PAPPA: variants seen among roughly 807,000 people sequenced by gnomAD.
PAPPA encodes the protein pappalysin 1, also known as pappalysin-1.
Under a neutral mutation model 164.0 loss-of-function variants are expected in PAPPA, and 60 were observed. The observed-to-expected ratio is 0.37, with a 90% CI of 0.30 to 0.45. PAPPA has a LOEUF of 0.45. Ranked by LOEUF, PAPPA falls within the 20% of genes least tolerant of loss-of-function variation. The pLI is 1.00. For synonymous variants in PAPPA, 875 were observed against 814.1 expected (o/e 1.07, Z -1.27); for missense variants, 1,782 against 2,087.3 (o/e 0.85, Z 2.85).
At chr9:116,161,764 A>T (rs1446308064) in intron 1 of PAPPA, among the ~76,000 whole-genome samples, 1 of 151,978 alleles carries the variant, frequency 6.6e-6, no homozygotes, top group East Asian at 1.9e-4. Flanking sequence ...TAGCAAACTG[A>T]TAACAATTGT....
intron 7 of PAPPA, among the ~76,000 whole-genome samples, chr9:116,251,235 T>C (rs1844856500): frequency 6.6e-6 from 1 of 152,020 alleles, no homozygotes; most frequent in African/African-American, 2.4e-5. Flanking sequence ...ATCAGAAACA[T>C]AAGGATTACA....
chr9:116,250,043 GTGT>G (rs1844842166), intron 7 of PAPPA, among the ~76,000 whole-genome samples: 1 of 149,858 alleles, frequency 6.7e-6, no homozygotes, highest in Admixed American at 6.6e-5. Context: ...GTGTGTGTGT[GTGT>G]GTGTGTTTGG....
intron 6 of PAPPA, among the ~76,000 whole-genome samples, chr9:116,231,075 G>GTATATATATA (rs3838263): frequency 4.8e-4 from 72 of 150,794 alleles, no homozygotes; most frequent in Admixed American, 8.6e-4. Context: ...CAGCTGCAGT[G>GTATATATATA]TATATATATA....
chr9:116,197,451 A>G (rs369081618), intron 2 of PAPPA, among the ~76,000 whole-genome samples: 1 of 152,224 alleles, frequency 6.6e-6, no homozygotes, highest in East Asian at 1.9e-4. Context: ...CTCAAGTCCC[A>G]GCAGTGGCCT....
intron 13 of PAPPA, among the ~76,000 whole-genome samples, chr9:116,344,297 A>G (rs1588012892): frequency 6.6e-6 from 1 of 152,328 alleles, no homozygotes; most frequent in East Asian, 1.9e-4. Flanking sequence ...AAATCTTGAT[A>G]ACATACAAAG....
At position 116,154,155 on chromosome 9, in the gene PAPPA, C is replaced by CGGGGGGGGG; in HGVS notation, c.-12_-11insGGGGGGGGG. The CGGGGGGGGG allele has an allele frequency of 4.1e-5, 19 of 464,682 alleles. No homozygotes were observed. Among genetic ancestry groups the CGGGGGGGGG allele is most frequent in the South Asian group, 5.9e-5 (2 of 33,996 alleles). 28.8% of individuals were successfully genotyped at this position (464,682 alleles called of 1,614,324 possible). A position where few individuals can be genotyped will look rare whatever the true frequency, so the allele number is the denominator to read the frequency against. On this transcript the variant is annotated 5_prime_UTR_variant, in exon 1 of 22. Coordinates refer to ENST00000328252, the MANE Select transcript of PAPPA (RefSeq NM_002581.5). This position sits in a 1 kb window ranked among gnomAD's most constrained non-coding sequence, Gnocchi z 5.2. The stretch of plus-strand genomic sequence containing the variant: ...TGGCGGTGCAGGGGCGAAGGGGGGG[C>CGGGGGGGGG]GGGGGGAACCGTCGGACATGCGGCT...
intron 7 of PAPPA, among the ~76,000 whole-genome samples, chr9:116,249,152 A>C (rs1293257865): frequency 6.6e-6 from 1 of 152,226 alleles, no homozygotes. Context: ...AGTCTACTTA[A>C]TGTGAAAGTA....
At chr9:116,276,675 C>A (rs563434964) in intron 9 of PAPPA, among the ~76,000 whole-genome samples, 1 of 152,302 alleles carries the variant, frequency 6.6e-6, no homozygotes, top group South Asian at 2.1e-4. Flanking sequence ...CTTTCCCAGA[C>A]GTGGAGGCAT....
At chr9:116,233,091 G>A (rs984216052) in intron 6 of PAPPA, among the ~76,000 whole-genome samples, 9 of 152,202 alleles carry the variant, frequency 5.9e-5, no homozygotes, top group African/African-American at 2.2e-4. Context: ...GTTCTATGCT[G>A]TAACTTTTAA....
At chr9:116,299,330 G>A (rs144490070) in intron 9 of PAPPA, among the ~76,000 whole-genome samples, 4 of 150,828 alleles carry the variant, frequency 2.7e-5, no homozygotes, top group East Asian at 2.0e-4. Flanking sequence ...ATTACTTATC[G>A]ACCTGCCTGT....
intron 9 of PAPPA, among the ~76,000 whole-genome samples, chr9:116,289,336 G>GCATATATATGCCATATATATGC (rs1845401087): frequency 2.4e-5 from 3 of 125,920 alleles, no homozygotes; most frequent in Non-Finnish European, 5.0e-5. Flanking sequence ...CATATATATA[G>GCATATATATGCCATATATATGC]CATATATATG....
intron 21 of PAPPA, among the ~76,000 whole-genome samples, chr9:116,383,504 A>C (rs1846760784): frequency 6.7e-6 from 1 of 149,824 alleles, no homozygotes; most frequent in South Asian, 2.1e-4. Flanking sequence ...TAAAAGAGGA[A>C]TGATTTGTCC....
At chr9:116,163,716 T>A (rs562256732) in intron 1 of PAPPA, among the ~76,000 whole-genome samples, 8 of 152,140 alleles carry the variant, frequency 5.3e-5, no homozygotes, top group African/African-American at 1.9e-4. Flanking sequence ...GGGCCAAGTG[T>A]GGACACATTT....
At chr9:116,284,593 T>A (rs1158448421) in intron 9 of PAPPA, among the ~76,000 whole-genome samples, 1 of 144,250 alleles carries the variant, frequency 6.9e-6, no homozygotes, top group Non-Finnish European at 1.5e-5. Context: ...TATATCTAAT[T>A]GCTCTACTTT....
rs983925208 is a variant in PAPPA, at chr9:116,188,274, A to G, written c.1478+58A>G. 6.8e-6 allele frequency: 9 copies of G among 1,321,662 alleles called. No homozygotes were observed. In the African/African-American group the frequency reaches 1.2e-4, roughly 17 times the overall value. The allele number at this position is 1,321,662 out of a possible 1,614,324, so 81.9% of individuals were successfully genotyped here. A position where few individuals can be genotyped will look rare whatever the true frequency, so the allele number is the denominator to read the frequency against. ...GAAAGTTGAACTTGATGTCCTCCAT[A>G]TTATAGATAAGGCACCTGAGGCCAG... On this transcript the variant is annotated intron_variant, in intron 2 of 21. Coordinates refer to ENST00000328252, the MANE Select transcript of PAPPA (RefSeq NM_002581.5).
Position 116,154,161 on chromosome 9 carries a change from G to GGGGGGGGGGGC in PAPPA, c.-12_-11insGGGGGGGGGGC. On this transcript the variant is annotated 5_prime_UTR_variant, in exon 1 of 22. Transcript: ENST00000328252. The surrounding 1 kb of genome is among the most constrained non-coding windows in gnomAD (Gnocchi z 5.2). ...TGCAGGGGCGAAGGGGGGGCGGGGG[G>GGGGGGGGGGGC]AACCGTCGGACATGCGGCTCTGGAG... 1 of 1,224,414 alleles carries GGGGGGGGGGGC rather than the reference G, an allele frequency of 8.2e-7. No individual in the cohort carries two copies. 75.8% of individuals were successfully genotyped at this position (1,224,414 alleles called of 1,614,324 possible).
At chr9:116,236,482 G>A (rs972337205) in intron 7 of PAPPA, among the ~76,000 whole-genome samples, 1 of 151,526 alleles carries the variant, frequency 6.6e-6, no homozygotes, top group African/African-American at 2.4e-5. Flanking sequence ...AGCTACTCAG[G>A]AGGCTGAGGC....
intron 1 of PAPPA, among the ~76,000 whole-genome samples, chr9:116,179,151 G>A (rs192050979): frequency 1.3e-5 from 2 of 152,302 alleles, no homozygotes; most frequent in Non-Finnish European, 2.9e-5. Context: ...TCATCCTAGT[G>A]TACATGTGGG....
intron 12 of PAPPA, 23 bp downstream of exon 12, chr9:116,332,491 G>A (rs1427073667): frequency 6.3e-7 from 1 of 1,594,744 alleles, no homozygotes; most frequent in Admixed American, 1.7e-5. Context: ...TCTTGGTCTT[G>A]GCTTGCTTTC....
Sources: gnomAD v4.1 joint callset for allele counts (sites outside exome capture counted in the v4.1 genomes callset) on GRCh38, gnomAD v4.1.1 for gene constraint, Gnocchi (gnomAD v3.1) non-coding constraint, MANE v1.5 for transcripts, NCBI Gene and HGNC (gene_info 2026-07-23, HGNC 2026-07-21) for gene names.